The following WIPF3 variants were observed in gnomAD, a reference collection of about 807,000 sequenced individuals.
The protein encoded by WIPF3 is WAS/WASL interacting protein family member 3, also known as WAS/WASL-interacting protein family member 3.
A neutral mutation model predicts 38.9 loss-of-function variants in WIPF3; 33 were observed. The ratio of observed to expected loss-of-function variants is 0.85; its 90% CI spans 0.64 to 1.14. The LOEUF (loss-of-function observed/expected upper bound fraction) is 1.14. WIPF3 is among the 50% of genes most tolerant of loss of function. The pLI is 0.00. For synonymous variants in WIPF3, 324 were observed against 269.3 expected, an observed-to-expected ratio of 1.20 and a Z score of -1.99; for missense variants, 711 against 652.5, an observed-to-expected ratio of 1.09 and a Z score of -0.98.
At chr7:29,910,231 AAGAAAT>A (rs1214510897) in intron 8 of WIPF3, among the ~76,000 whole-genome samples, 1 of 152,192 alleles carries the variant, frequency 6.6e-6, no homozygotes, top group African/African-American at 2.4e-5. Flanking sequence ...CACAAAAAAA[AAGAAAT>A]AGAAAATCTG....
chr7:29,847,983 G>A (rs2391803), intron 2 of WIPF3, among the ~76,000 whole-genome samples: 1 of 152,088 alleles, frequency 6.6e-6, no homozygotes, highest in African/African-American at 2.4e-5. Context: ...TTGGGGAATT[G>A]TTTTAATTCC....
chr7:29,852,221 G>A lies in WIPF3; in HGVS notation c.90+17407G>A, dbSNP rs1405036955. On this transcript the variant is annotated intron_variant, in intron 2 of 8. Transcript: ENST00000242140. Reference sequence around the variant, plus strand: ...AGGTCTCGCTTTGTTGCCCAGGCTGGTTTCAAACTCCTGGCGTCAAGCAAT... The same window carrying A: ...AGGTCTCGCTTTGTTGCCCAGGCTGATTTCAAACTCCTGGCGTCAAGCAAT... 4.6e-5 allele frequency among the ~76,000 whole-genome samples: 7 copies of A among 152,236 alleles called. 1 individual carries two copies. In the South Asian group the frequency reaches 6.2e-4, roughly 14 times the overall value.
At chr7:29,873,929 G>T (rs1344656452) in intron 2 of WIPF3, among the ~76,000 whole-genome samples, 1 of 152,162 alleles carries the variant, frequency 6.6e-6, no homozygotes, top group Admixed American at 6.5e-5. Flanking sequence ...CAGCCAACCT[G>T]GTTTGTCCTT....
intron 2 of WIPF3, among the ~76,000 whole-genome samples, chr7:29,855,518 G>T (rs1327635813): frequency 6.6e-6 from 1 of 152,172 alleles, no homozygotes; most frequent in Non-Finnish European, 1.5e-5. Flanking sequence ...TTATAGGACA[G>T]TCTTTCAGTA....
At chr7:29,860,564 G>A (rs1024431391) in intron 2 of WIPF3, among the ~76,000 whole-genome samples, 1 of 152,168 alleles carries the variant, frequency 6.6e-6, no homozygotes, top group African/African-American at 2.4e-5. Flanking sequence ...CTGCAGGACT[G>A]TAAGTCAAAT....
Position 29,834,787 on chromosome 7 carries a change from TC to T in WIPF3, c.68del (p.Pro23LeufsTer9). Reference protein sequence around the residue: ...PPPPPPLGAPPPPPPSAPPVS... With the variant: ...PPPPPPLGAPXPPPPSAPPVS... ...CACCTCCCCCGCCTCTGGGGGCTCCTCCCCCTCCCCCACCATCAGCACCCCC... is the reference window on the plus strand; with the variant it reads ...CACCTCCCCCGCCTCTGGGGGCTCCTCCCCTCCCCCACCATCAGCACCCCC... On this transcript the variant is annotated frameshift_variant, in exon 2 of 9. Transcript: ENST00000242140. LOFTEE classifies it high-confidence loss of function. 1.9e-6 allele frequency: 2 copies of T among 1,029,718 alleles called. No individual in the cohort carries two copies. The highest frequency in any genetic ancestry group is 2.4e-5 in the South Asian group (1 of 41,320). The allele number at this position is 1,029,718 out of a possible 1,614,324, so 63.8% of individuals were successfully genotyped here.
At chr7:29,817,137 A>C in intron 1 of WIPF3, among the ~76,000 whole-genome samples, 1 of 152,152 alleles carries the variant, frequency 6.6e-6, no homozygotes, top group Non-Finnish European at 1.5e-5. Flanking sequence ...TTTAATTGCC[A>C]TATATGTTTC....
At position 29,823,060 on chromosome 7, in the gene WIPF3, A is replaced by G. The variant is rs780643687; in HGVS notation, c.-57-11608A>G. Among the ~76,000 whole-genome samples, 24 of 152,190 alleles carry G rather than the reference A, an allele frequency of 1.6e-4. No individual in the cohort carries two copies. Among genetic ancestry groups the G allele is most frequent in the Non-Finnish European group, 2.5e-4 (17 of 68,032 alleles). ...TTTAAATTTCTTTATTATTTATCTC[A>G]AAGCAGTACTCCTTTGCTCCTCATA... On this transcript the variant is annotated intron_variant, in intron 1 of 8. Transcript: ENST00000242140. The surrounding 1 kb of genome is among the most constrained non-coding windows in gnomAD (Gnocchi z 4.0).
chr7:29,894,788 C>CAT (rs61043864), intron 7 of WIPF3, among the ~76,000 whole-genome samples: 1 of 149,950 alleles, frequency 6.7e-6, no homozygotes, highest in Non-Finnish European at 1.5e-5. Context: ...CACACACACA[C>CAT]GACACACACA....
chr7:29,896,293 GCCTGCGCAACAGTGAGAT>G (rs1333549286), intron 7 of WIPF3, among the ~76,000 whole-genome samples: 3 of 16,886 alleles, frequency 1.8e-4, no homozygotes, highest in Non-Finnish European at 6.3e-4. Flanking sequence ...ATCCTCTCTA[GCCTGCGCAACAGTGAGAT>G]CCTCTCTCTG....
intron 1 of WIPF3, among the ~76,000 whole-genome samples, chr7:29,821,242 A>G (rs1383614136): frequency 2.0e-5 from 3 of 152,056 alleles, no homozygotes; most frequent in African/African-American, 7.2e-5. Context: ...TGTCTCCAAA[A>G]CTATATGATT....
At chr7:29,822,050 G>A (rs1784544405) in intron 1 of WIPF3, among the ~76,000 whole-genome samples, 1 of 150,646 alleles carries the variant, frequency 6.6e-6, no homozygotes. Context: ...CTGCTTTACA[G>A]CAGTATTTTT....
chr7:29,879,061 G>C lies in WIPF3; in HGVS notation c.276G>C (p.Ala92=). The C allele has an allele frequency of 6.2e-7, 1 of 1,609,252 alleles. No individual in the cohort carries two copies. The highest frequency in any genetic ancestry group is 8.5e-7 in the Non-Finnish European group (1 of 1,177,598). The change falls in exon 4 of 9, where the codon GCG becomes GCC. Residue 92 remains alanine, a synonymous_variant. Transcript: ENST00000242140. ...EGGGSANTRG[A]STPPTLGDLF... The stretch of plus-strand genomic sequence containing the variant: ...GAGGTTCTGCAAACACACGAGGCGC[G>C]AGCACACCTCCCACCCTGGGAGATC...
At position 29,872,172 on chromosome 7, in the gene WIPF3, A is replaced by G. The variant is rs201951148; in HGVS notation, c.91-3658A>G. On this transcript the variant is annotated intron_variant, in intron 2 of 8. Coordinates refer to ENST00000242140, the MANE Select transcript of WIPF3 (RefSeq NM_001080529.3). ...TGTCTTTTTAGTGACGTTGCCCATG[A>G]TCAGGATTGCACAACATGAAACGTT... is the stretch of plus-strand genomic sequence containing the variant. Among the ~76,000 whole-genome samples the G allele has an allele frequency of 8.5e-5, 13 of 152,358 alleles. No homozygotes were observed. In the East Asian group the frequency reaches 2.3e-3, roughly 27 times the overall value.
intron 2 of WIPF3, among the ~76,000 whole-genome samples, chr7:29,845,463 A>G (rs1449612333): frequency 1.3e-5 from 2 of 152,226 alleles, no homozygotes; most frequent in Admixed American, 1.3e-4. Context: ...AGGGCATGAC[A>G]TTGGTCACTG....
At chr7:29,862,837 A>AT (rs951810793) in intron 2 of WIPF3, among the ~76,000 whole-genome samples, 4 of 151,294 alleles carry the variant, frequency 2.6e-5, no homozygotes, top group African/African-American at 7.3e-5. Flanking sequence ...CTTCCTCCTT[A>AT]TTTTTTTTAT....
At chr7:29,834,608 C>A in intron 1 of WIPF3, 60 bp from the exon 2 acceptor site, 1 of 1,323,202 alleles carries the variant, frequency 7.6e-7, no homozygotes, top group Non-Finnish European at 9.9e-7. Flanking sequence ...GCAAGATACA[C>A]ATTTCCTGCA....
At position 29,878,471 on chromosome 7, in the gene WIPF3, G is replaced by C. The variant is rs1345410596; in HGVS notation, c.224-538G>C. ...ATGAAAAGGTGCAGGGAGGTGCGAG[G>C]GGCTGGGGGCTTGAGGGCTGGAGAG... On this transcript the variant is annotated intron_variant, in intron 3 of 8. Transcript: ENST00000242140. The surrounding 1 kb of genome is among the most constrained non-coding windows in gnomAD (Gnocchi z 4.0). Among the ~76,000 whole-genome samples, 1 of 152,146 alleles carries C rather than the reference G, an allele frequency of 6.6e-6. No individual in the cohort carries two copies. The highest frequency in any genetic ancestry group is 6.5e-5 in the Admixed American group (1 of 15,280).
intron 2 of WIPF3, among the ~76,000 whole-genome samples, chr7:29,860,240 A>G (rs887005380): frequency 6.6e-6 from 1 of 152,148 alleles, no homozygotes; most frequent in Non-Finnish European, 1.5e-5. Flanking sequence ...TCCCACTTCC[A>G]CCTATACACC....
Sources: allele counts gnomAD v4.1 joint callset (sites outside exome capture counted in the v4.1 genomes callset), GRCh38; gene constraint gnomAD v4.1.1; non-coding constraint Gnocchi (gnomAD v3.1); transcripts MANE v1.5; gene names NCBI Gene and HGNC (gene_info 2026-07-23, HGNC 2026-07-21).